The following CDH4 variants were observed in gnomAD, a reference collection of about 807,000 sequenced individuals.
CDH4 encodes cadherin-4.
A neutral mutation model predicts 86.0 loss-of-function variants in CDH4; 33 were observed. That is an observed-to-expected ratio of 0.38 (90% confidence interval 0.29 to 0.51). The LOEUF is 0.51. Among genes scored for constraint, CDH4 ranks in the 20% least tolerant of loss-of-function variants. The probability of loss-of-function intolerance (pLI) is 0.86; values close to 1 mark genes in which losing one functional copy is unlikely to be tolerated. For synonymous variants in CDH4, 555 were observed against 549.4 expected (o/e 1.01, Z -0.14); for missense variants, 1,114 against 1,307.4 (o/e 0.85, Z 2.28).
At chr20:61,726,536 C>T (rs928583012) in intron 2 of CDH4, among the ~76,000 whole-genome samples, 3 of 152,112 alleles carry the variant, frequency 2.0e-5, no homozygotes, top group African/African-American at 7.2e-5. Flanking sequence ...CATTCCCAGG[C>T]ATGTGGTATG....
intron 9 of CDH4, among the ~76,000 whole-genome samples, chr20:61,916,749 A>C (rs2054907079): frequency 6.6e-6 from 1 of 152,254 alleles, no homozygotes; most frequent in African/African-American, 2.4e-5. Context: ...TATAGTCTGC[A>C]GAGGGGATGG....
intron 2 of CDH4, among the ~76,000 whole-genome samples, chr20:61,513,075 T>C (rs2145615601): frequency 6.6e-6 from 1 of 152,338 alleles, no homozygotes; most frequent in Middle Eastern, 3.4e-3. Context: ...AGTGCCTCCC[T>C]GGAAACCTTG....
intron 6 of CDH4, among the ~76,000 whole-genome samples, chr20:61,856,200 G>A (rs528644319): frequency 2.6e-5 from 4 of 152,362 alleles, no homozygotes; most frequent in African/African-American, 7.2e-5. Context: ...TTATTCTCTG[G>A]AAGGACAGGG....
At chr20:61,428,317 C>A (rs965853428) in intron 2 of CDH4, among the ~76,000 whole-genome samples, 3 of 152,190 alleles carry the variant, frequency 2.0e-5, no homozygotes, top group Non-Finnish European at 2.9e-5. Flanking sequence ...TGAATATATG[C>A]ATATCCTATG....
intron 2 of CDH4, among the ~76,000 whole-genome samples, chr20:61,661,084 C>CT (rs796435717): frequency 1.3e-5 from 1 of 74,798 alleles, no homozygotes. Context: ...GGAGGCATGG[C>CT]GGGGGGGGGG....
intron 5 of CDH4, among the ~76,000 whole-genome samples, chr20:61,847,118 T>G (rs1982493378): frequency 6.6e-6 from 1 of 152,194 alleles, no homozygotes. Context: ...TGGCCCTCCC[T>G]GCATCATCCC....
intron 3 of CDH4, among the ~76,000 whole-genome samples, chr20:61,756,521 C>A (rs1257958239): frequency 7.1e-6 from 1 of 141,288 alleles, no homozygotes; most frequent in African/African-American, 2.6e-5. Flanking sequence ...ATCCCCCCAT[C>A]CCCCTGGCCC....
chr20:61,383,785 GAA>G (rs2084934466), intron 2 of CDH4, among the ~76,000 whole-genome samples: 1 of 57,714 alleles, frequency 1.7e-5, no homozygotes, highest in Admixed American at 2.0e-4. Flanking sequence ...GCATATATAT[GAA>G]GATATATATG....
chr20:61,812,222 C>T (rs549174224), intron 4 of CDH4, among the ~76,000 whole-genome samples: 3 of 151,876 alleles, frequency 2.0e-5, no homozygotes, highest in South Asian at 2.1e-4. Flanking sequence ...TGGTAGGGGT[C>T]GGGGAGCAGC....
At chr20:61,889,030 G>A (rs533040989) in intron 7 of CDH4, among the ~76,000 whole-genome samples, 2 of 152,250 alleles carry the variant, frequency 1.3e-5, no homozygotes, top group African/African-American at 4.8e-5. Flanking sequence ...CACGGCCTCT[G>A]CATTAGCCCC....
intron 2 of CDH4, among the ~76,000 whole-genome samples, chr20:61,434,023 G>A (rs1038878247): frequency 2.6e-5 from 4 of 152,282 alleles, no homozygotes; most frequent in East Asian, 1.9e-4. Flanking sequence ...CATGGCTGAC[G>A]TGCTGTCCTG....
chr20:61,866,750 G>A (rs754654018), intron 6 of CDH4, among the ~76,000 whole-genome samples: 4 of 152,206 alleles, frequency 2.6e-5, no homozygotes, highest in Non-Finnish European at 5.9e-5. Flanking sequence ...TAGTTATCAT[G>A]AGTGTGTTTT....
chr20:61,398,375 A>G (rs2085030791), intron 2 of CDH4, among the ~76,000 whole-genome samples: 1 of 152,196 alleles, frequency 6.6e-6, no homozygotes, highest in African/African-American at 2.4e-5. Context: ...AGCAGGGTGG[A>G]TGGACTCTGT....
chr20:61,934,717 G>GCCCCCCCCCCCCCC (rs200122965), intron 15 of CDH4, among the ~76,000 whole-genome samples: 3 of 148,680 alleles, frequency 2.0e-5, no homozygotes, highest in African/African-American at 5.1e-5. Context: ...AGGCCAACTT[G>GCCCCCCCCCCCCCC]CCCCCCCTCC....
rs1568773299 is a variant in CDH4, at chr20:61,716,321, C to CCTCCTCT, written c.170-27242_170-27241insCTCCTCT. On this transcript the variant is annotated intron_variant, in intron 2 of 15. Transcript: ENST00000614565. ...GGGGTGGACACTCCTCACCCATGAG[C>CCTCCTCT]TGCCTCTTGGCTGGACCTGTAAAGG... Among the ~76,000 whole-genome samples the CCTCCTCT allele has an allele frequency of 3.2e-4, 48 of 152,260 alleles. 1 individual carries two copies. The highest frequency in any genetic ancestry group is 1.1e-3 in the African/African-American group (47 of 41,536).
rs1279422929 is a variant in CDH4, at chr20:61,377,676, A to T, written c.169+122739A>T. ...GATCCCCAGAAAGAACATCCCTTTC[A>T]AAACCAGAAGTCTTAGGCTGTTAAT... On this transcript the variant is annotated intron_variant, in intron 2 of 15. Coordinates refer to ENST00000614565, the MANE Select transcript of CDH4 (RefSeq NM_001794.5). This position sits in a 1 kb window ranked among gnomAD's most constrained non-coding sequence, Gnocchi z 4.0. Among the ~76,000 whole-genome samples, 1 of 152,250 alleles carries T rather than the reference A, an allele frequency of 6.6e-6. No homozygotes were observed. The highest frequency in any genetic ancestry group is 2.4e-5 in the African/African-American group (1 of 41,470).
chr20:61,625,310 A>G (rs1429174327), intron 2 of CDH4, among the ~76,000 whole-genome samples: 3 of 152,178 alleles, frequency 2.0e-5, no homozygotes, highest in Admixed American at 1.3e-4. Context: ...TAATTAGTAT[A>G]TTCATTCAAC....
At chr20:61,675,070 G>T (rs1223734126) in intron 2 of CDH4, among the ~76,000 whole-genome samples, 1 of 152,188 alleles carries the variant, frequency 6.6e-6, no homozygotes, top group Non-Finnish European at 1.5e-5. Context: ...AGATAGAATG[G>T]GGTCTTCATT....
At chr20:61,627,533 C>A (rs184330254) in intron 2 of CDH4, among the ~76,000 whole-genome samples, 2 of 152,186 alleles carry the variant, frequency 1.3e-5, no homozygotes, top group Non-Finnish European at 2.9e-5. Context: ...CGCCAAGTGT[C>A]CCCTGCGGAG....
Sources: allele counts gnomAD v4.1 joint callset (sites outside exome capture counted in the v4.1 genomes callset), GRCh38; gene constraint gnomAD v4.1.1; non-coding constraint Gnocchi (gnomAD v3.1); transcripts MANE v1.5; gene names NCBI Gene and HGNC (gene_info 2026-07-23, HGNC 2026-07-21).